Variants in CRACD observed in about 807,000 individuals in gnomAD.
The protein encoded by CRACD is capping protein-inhibiting regulator of actin dynamics.
Under a neutral mutation model 106.8 loss-of-function variants are expected in CRACD, and 56 were observed. That is an observed-to-expected ratio of 0.52 (90% CI 0.42 to 0.66). The LOEUF (loss-of-function observed/expected upper bound fraction) is 0.66. CRACD is among the 30% of genes least tolerant of loss of function. CRACD has a pLI of 0.00. For missense variants in CRACD, 1,730 were observed against 1,623.2 expected (o/e 1.07, Z -1.13); for synonymous variants, 754 against 670.8 (o/e 1.12, Z -1.92).
At chr4:56,068,550 G>GTA (rs1732534210) in intron 1 of CRACD, among the ~76,000 whole-genome samples, 2 of 152,300 alleles carry the variant, frequency 1.3e-5, no homozygotes, top group African/African-American at 4.8e-5. Context: ...AGGGGAAGGA[G>GTA]TATAAGAGCA....
At chr4:56,259,168 A>G (rs975106367) in intron 2 of CRACD, among the ~76,000 whole-genome samples, 2 of 152,158 alleles carry the variant, frequency 1.3e-5, no homozygotes, top group Non-Finnish European at 2.9e-5. Flanking sequence ...GGGACTTGGC[A>G]TGAATGGCAT....
intron 1 of CRACD, among the ~76,000 whole-genome samples, chr4:56,115,029 A>G (rs562236001): frequency 1.6e-3 from 242 of 152,270 alleles, no homozygotes; most frequent in African/African-American, 5.6e-3. Flanking sequence ...AAAGATATCA[A>G]TAAAATGTTG....
At chr4:56,290,590 G>A (rs1474505937) in intron 3 of CRACD, among the ~76,000 whole-genome samples, 2 of 152,206 alleles carry the variant, frequency 1.3e-5, no homozygotes, top group African/African-American at 4.8e-5. Flanking sequence ...AGAGGGGCAA[G>A]TCCAAAAGCT....
chr4:56,120,140 C>T (rs1309537389), intron 1 of CRACD, among the ~76,000 whole-genome samples: 1 of 152,206 alleles, frequency 6.6e-6, no homozygotes, highest in Non-Finnish European at 1.5e-5. Flanking sequence ...TGGTTACATA[C>T]TTAATTCTGA....
At chr4:56,322,729 T>C (rs1035168838) in intron 8 of CRACD, among the ~76,000 whole-genome samples, 2 of 152,204 alleles carry the variant, frequency 1.3e-5, no homozygotes, top group Non-Finnish European at 2.9e-5. Flanking sequence ...ATAAATTTCA[T>C]TTAAAGCAAT....
At chr4:56,075,449 T>A (rs1486236079) in intron 1 of CRACD, among the ~76,000 whole-genome samples, 1 of 152,228 alleles carries the variant, frequency 6.6e-6, no homozygotes, top group Admixed American at 6.5e-5. Context: ...TATCCATTTC[T>A]TCTAGATTTT....
intron 1 of CRACD, among the ~76,000 whole-genome samples, chr4:56,157,699 T>A (rs1163193647): frequency 6.6e-6 from 1 of 152,244 alleles, no homozygotes; most frequent in Non-Finnish European, 1.5e-5. Flanking sequence ...CTGCATTTAT[T>A]ACAGAAGTTT....
At chr4:56,173,800 G>GT (rs1736474185) in intron 1 of CRACD, among the ~76,000 whole-genome samples, 1 of 152,136 alleles carries the variant, frequency 6.6e-6, no homozygotes, top group African/African-American at 2.4e-5. Context: ...ACACCATACT[G>GT]TTTTTTTGTG....
intron 2 of CRACD, among the ~76,000 whole-genome samples, chr4:56,248,314 G>C (rs994579299): frequency 3.2e-4 from 49 of 152,224 alleles, no homozygotes; most frequent in Non-Finnish European, 6.5e-4. Context: ...ACCTGGTGCC[G>C]CTCATACCTG....
intron 1 of CRACD, among the ~76,000 whole-genome samples, chr4:56,054,598 A>G (rs886189096): frequency 1.3e-5 from 2 of 152,264 alleles, no homozygotes; most frequent in Non-Finnish European, 2.9e-5. Context: ...ACATAGATGT[A>G]TGATTTTCAC....
intron 3 of CRACD, among the ~76,000 whole-genome samples, chr4:56,289,322 T>C (rs1743564520): frequency 6.6e-6 from 1 of 152,172 alleles, no homozygotes; most frequent in Non-Finnish European, 1.5e-5. Flanking sequence ...TATACAAATA[T>C]GAAAAAATTT....
At position 56,229,136 on chromosome 4, in the gene CRACD, A is replaced by G. The variant is rs149224813; in HGVS notation, c.-188-43185A>G. 2.5e-4 allele frequency among the ~76,000 whole-genome samples: 38 copies of G among 152,364 alleles called. 1 individual carries two copies. The South Asian group carries it at 5.4e-3, about 22-fold the overall frequency. On this transcript the variant is annotated intron_variant, in intron 2 of 10. Coordinates refer to ENST00000682029, the MANE Select transcript of CRACD (RefSeq NM_001393381.1). ...TGAATTGTAATGGGGGAAGTTAAAC[A>G]GCAGAGACAGCTCGTTTCAGTAGCA... is the stretch of plus-strand genomic sequence containing the variant.
chr4:56,255,167 C>G (rs1741284532), intron 2 of CRACD, among the ~76,000 whole-genome samples: 1 of 148,188 alleles, frequency 6.7e-6, no homozygotes, highest in Non-Finnish European at 1.5e-5. Flanking sequence ...ATTTTGAAAT[C>G]TATAACTAAA....
chr4:56,326,691 T>A (rs1372705812), intron 10 of CRACD, among the ~76,000 whole-genome samples: 1 of 151,304 alleles, frequency 6.6e-6, no homozygotes, highest in Admixed American at 6.6e-5. Context: ...GCAGGATCTG[T>A]GAGACTCAGA....
At chr4:56,071,434 T>G (rs4242000) in intron 1 of CRACD, among the ~76,000 whole-genome samples, 150,975 of 152,132 alleles carry the variant, frequency 0.99, 74,919 homozygotes, top group East Asian at 1. Context: ...GGGAGATCTG[T>G]GGTGTATCCT....
Position 56,315,347 on chromosome 4 carries a change from C to T in CRACD, c.1845C>T (p.Asp615=). Residue 615 remains aspartate, a synonymous_variant, in exon 8 of 11, where the codon GAC becomes GAT. Coordinates refer to ENST00000682029, the MANE Select transcript of CRACD (RefSeq NM_001393381.1). This position sits in a 1 kb window ranked among gnomAD's most constrained non-coding sequence, Gnocchi z 4.1. The part of the protein sequence containing the change: ...GPAVNLSQIK[D]TACKSLLGLE... ...CAGTCAACCTGAGCCAGATCAAGGACACCGCGTGCAAGTCCCTCCTGGGCT... is the reference window on the plus strand; with the variant it reads ...CAGTCAACCTGAGCCAGATCAAGGATACCGCGTGCAAGTCCCTCCTGGGCT... 1 of 1,613,816 alleles carries T rather than the reference C, an allele frequency of 6.2e-7. No homozygotes were observed. The highest frequency in any genetic ancestry group is 8.5e-7 in the Non-Finnish European group (1 of 1,179,946).
At chr4:56,242,704 C>A (rs1365402198) in intron 2 of CRACD, among the ~76,000 whole-genome samples, 1 of 152,124 alleles carries the variant, frequency 6.6e-6, no homozygotes, top group African/African-American at 2.4e-5. Context: ...AGCACTTGAA[C>A]CCCATTTTCC....
At chr4:56,168,777 A>T (rs984669) in intron 1 of CRACD, among the ~76,000 whole-genome samples, 41,385 of 151,466 alleles carry the variant, frequency 0.27, 5,869 homozygotes, top group Non-Finnish European at 0.31. Context: ...ACACAAAGAA[A>T]TTGGAACCAT....
At chr4:56,231,073 A>C (rs1739590782) in intron 2 of CRACD, among the ~76,000 whole-genome samples, 1 of 149,864 alleles carries the variant, frequency 6.7e-6, no homozygotes, top group Admixed American at 6.6e-5. Context: ...CAAACAAACA[A>C]AAAAATTGTT....
Sources: gnomAD v4.1 joint callset for allele counts (sites outside exome capture counted in the v4.1 genomes callset) on GRCh38, gnomAD v4.1.1 for gene constraint, Gnocchi (gnomAD v3.1) non-coding constraint, MANE v1.5 for transcripts, NCBI Gene and HGNC (gene_info 2026-07-23, HGNC 2026-07-21) for gene names.